ARHGEF28: variants seen among roughly 807,000 people sequenced by gnomAD.
The protein encoded by ARHGEF28 is Rho guanine nucleotide exchange factor 28.
Under a neutral mutation model 206.6 loss-of-function variants are expected in ARHGEF28, and 152 were observed. The ratio of observed to expected loss-of-function variants is 0.74; its 90% confidence interval spans 0.64 to 0.84. ARHGEF28 has a LOEUF of 0.84. Ranked by LOEUF, ARHGEF28 falls within the 40% of genes least tolerant of loss-of-function variation. ARHGEF28 has a pLI of 0.00. For synonymous variants in ARHGEF28, 763 were observed against 776.4 expected (o/e 0.98, Z 0.29); for missense variants, 2,028 against 2,073.2 (o/e 0.98, Z 0.42).
intron 23 of ARHGEF28, 31 bp downstream of exon 23, chr5:73,882,625 A>T (rs1458934480): frequency 2.1e-6 from 3 of 1,427,026 alleles, no homozygotes; most frequent in Non-Finnish European, 2.8e-6. Context: ...TTACAAAGTG[A>T]TAAATCAGCA....
rs562528485 is a variant in ARHGEF28 at position 73,865,793 on chromosome 5, T to G, written c.2104-172T>G. Among the ~76,000 whole-genome samples the G allele has an allele frequency of 3.3e-5, 5 of 152,306 alleles. No homozygotes were observed. In the East Asian group the frequency reaches 9.6e-4, roughly 29 times the overall value. On this transcript the variant is annotated intron_variant, in intron 17 of 35. Coordinates refer to ENST00000513042, the MANE Select transcript of ARHGEF28 (RefSeq NM_001177693.2). ...CTTCATTATAACTTGCACATTTTAT[T>G]GTCACATTTGACTCTTCATTGCATT...
intron 4 of ARHGEF28, among the ~76,000 whole-genome samples, chr5:73,764,614 G>A (rs1238121649): frequency 6.6e-6 from 1 of 152,158 alleles, no homozygotes; most frequent in Non-Finnish European, 1.5e-5. Flanking sequence ...CTGTGCTGAA[G>A]CAGAAAACAA....
At chr5:73,668,598 T>G (rs1200198747) in intron 1 of ARHGEF28, among the ~76,000 whole-genome samples, 1 of 152,228 alleles carries the variant, frequency 6.6e-6, no homozygotes, top group Non-Finnish European at 1.5e-5. Flanking sequence ...CCATGCTTTT[T>G]GGGGAACACA....
intron 2 of ARHGEF28, among the ~76,000 whole-genome samples, chr5:73,690,867 T>C (rs1747778702): frequency 6.6e-6 from 1 of 152,216 alleles, no homozygotes; most frequent in Non-Finnish European, 1.5e-5. Context: ...TAAATAACAC[T>C]TGCTTATTAT....
chr5:73,680,434 C>CAAAA (rs71615795), intron 1 of ARHGEF28, among the ~76,000 whole-genome samples: 5 of 30,508 alleles, frequency 1.6e-4, no homozygotes, highest in African/African-American at 3.5e-4. Flanking sequence ...GACTCCATCT[C>CAAAA]AAAAAAAAAA....
chr5:73,870,871 CA>C (rs1198466703), intron 21 of ARHGEF28, among the ~76,000 whole-genome samples: 1 of 152,126 alleles, frequency 6.6e-6, no homozygotes, highest in Non-Finnish European at 1.5e-5. Flanking sequence ...AATGTGGTTC[CA>C]AAGATACCCT....
chr5:73,775,209 G>C (rs1324288665), intron 5 of ARHGEF28, among the ~76,000 whole-genome samples: 2 of 152,220 alleles, frequency 1.3e-5, no homozygotes, highest in Non-Finnish European at 2.9e-5. Flanking sequence ...CACTTCATCT[G>C]TTGGTAGCTT....
chr5:73,923,382 T>G (rs902343160), intron 35 of ARHGEF28, among the ~76,000 whole-genome samples: 23 of 152,184 alleles, frequency 1.5e-4, no homozygotes, highest in Non-Finnish European at 1.0e-4. Context: ...GCAAAAAGCC[T>G]AAATCTGAAC....
At chr5:73,888,654 G>A (rs1034853897) in intron 26 of ARHGEF28, among the ~76,000 whole-genome samples, 4 of 152,210 alleles carry the variant, frequency 2.6e-5, no homozygotes, top group African/African-American at 9.6e-5. Flanking sequence ...TGATCATGAA[G>A]TAGATAATAT....
chr5:73,892,244 C>T lies in ARHGEF28; in HGVS notation c.3566+14C>T, dbSNP rs1761686780. The T allele has an allele frequency of 6.4e-7, 1 of 1,553,202 alleles. No individual in the cohort carries two copies. Among genetic ancestry groups the T allele is most frequent in the Non-Finnish European group, 8.7e-7 (1 of 1,147,638 alleles). ...GGCTGTAGAAAGGTAACATTTCCTT[C>T]CGTCCATAATCTATGGAACAGAGTT... is the stretch of plus-strand genomic sequence containing the variant. On this transcript the variant is annotated intron_variant, in intron 27 of 35. Coordinates refer to ENST00000513042, the MANE Select transcript of ARHGEF28 (RefSeq NM_001177693.2).
chr5:73,730,238 C>T (rs1202583651), intron 2 of ARHGEF28, among the ~76,000 whole-genome samples: 1 of 152,158 alleles, frequency 6.6e-6, no homozygotes, highest in East Asian at 1.9e-4. Flanking sequence ...AAATAGTAAA[C>T]TGTCCCAGTC....
chr5:73,714,312 G>A (rs1261389709), intron 2 of ARHGEF28, among the ~76,000 whole-genome samples: 3 of 152,136 alleles, frequency 2.0e-5, no homozygotes, highest in African/African-American at 7.2e-5. Flanking sequence ...AGTGAGGTGG[G>A]GAATGCAAGA....
At chr5:73,655,774 A>G (rs1285611992) in intron 1 of ARHGEF28, among the ~76,000 whole-genome samples, 7 of 152,182 alleles carry the variant, frequency 4.6e-5, no homozygotes, top group Admixed American at 4.6e-4. Context: ...TTCCTTGACC[A>G]TTAGAAAACC....
intron 4 of ARHGEF28, among the ~76,000 whole-genome samples, chr5:73,772,105 A>T (rs1186929109): frequency 1.3e-5 from 2 of 152,162 alleles, no homozygotes; most frequent in Non-Finnish European, 2.9e-5. Flanking sequence ...ATATCTCTAT[A>T]GATATAGATA....
intron 2 of ARHGEF28, among the ~76,000 whole-genome samples, chr5:73,716,663 C>T (rs1467182930): frequency 6.6e-6 from 1 of 152,170 alleles, no homozygotes; most frequent in Non-Finnish European, 1.5e-5. Flanking sequence ...ACCGCAGACT[C>T]TTAGTTACCT....
At chr5:73,659,943 G>T (rs777721029) in intron 1 of ARHGEF28, among the ~76,000 whole-genome samples, 1 of 151,904 alleles carries the variant, frequency 6.6e-6, no homozygotes, top group Non-Finnish European at 1.5e-5. Context: ...GTTGATGGCT[G>T]CTGACTGATC....
At chr5:73,891,534 A>G (rs1761628232) in intron 26 of ARHGEF28, among the ~76,000 whole-genome samples, 1 of 151,544 alleles carries the variant, frequency 6.6e-6, no homozygotes, top group Non-Finnish European at 1.5e-5. Flanking sequence ...TTAAACAACC[A>G]ATTCCTTTTT....
At position 73,635,235 on chromosome 5, in the gene ARHGEF28, C is replaced by T. The variant is rs569832956; in HGVS notation, c.-12+8913C>T. Among the ~76,000 whole-genome samples the T allele has an allele frequency of 2.7e-3, 415 of 152,206 alleles. 2 individuals carry two copies. The highest frequency in any genetic ancestry group is 9.7e-3 in the African/African-American group (401 of 41,514). ...GCACATGCCTATAGTCCCAGCTACTCGGGAGGCTAAGGCAGGAGAATCGCT... is the reference window on the plus strand; with the variant it reads ...GCACATGCCTATAGTCCCAGCTACTTGGGAGGCTAAGGCAGGAGAATCGCT... On this transcript the variant is annotated intron_variant, in intron 1 of 35. Coordinates refer to ENST00000513042, the MANE Select transcript of ARHGEF28 (RefSeq NM_001177693.2).
chr5:73,924,101 G>A (rs1763672121), intron 35 of ARHGEF28, among the ~76,000 whole-genome samples: 1 of 152,140 alleles, frequency 6.6e-6, no homozygotes, highest in Non-Finnish European at 1.5e-5. Flanking sequence ...CCCATTGCCT[G>A]CAGCCAAGTT....
Sources: allele counts gnomAD v4.1 joint callset (sites outside exome capture counted in the v4.1 genomes callset), GRCh38; gene constraint gnomAD v4.1.1; transcripts MANE v1.5; gene names NCBI Gene and HGNC (gene_info 2026-07-23, HGNC 2026-07-21).